Variants in MALRD1 observed in about 807,000 individuals in gnomAD.
MALRD1 encodes MAM and LDL-receptor class A domain-containing protein 1.
MALRD1 carries 247 observed loss-of-function variants against 242.1 expected under a neutral mutation model. The observed-to-expected ratio is 1.02, with a 90% CI of 0.92 to 1.13. MALRD1 has a LOEUF of 1.13. Ranked by LOEUF, MALRD1 falls within the 50% of genes most tolerant of loss-of-function variation. MALRD1 has a pLI of 0.00. For missense variants in MALRD1, 2,989 were observed against 2,533.1 expected (o/e 1.18, Z -3.86); for synonymous variants, 995 against 866.6 (o/e 1.15, Z -2.60).
At chr10:19,451,215 G>C (rs1022732745) in intron 29 of MALRD1, among the ~76,000 whole-genome samples, 14 of 152,004 alleles carry the variant, frequency 9.2e-5, no homozygotes, top group Admixed American at 8.5e-4. Context: ...AAATGAACCA[G>C]TAAAAACAGG....
intron 28 of MALRD1, among the ~76,000 whole-genome samples, chr10:19,430,869 T>C (rs1365692869): frequency 2.0e-5 from 3 of 152,194 alleles, no homozygotes; most frequent in African/African-American, 7.2e-5. Context: ...GTTTCTATTA[T>C]TTTAACATTT....
intron 38 of MALRD1, among the ~76,000 whole-genome samples, chr10:19,723,862 A>G (rs766563731): frequency 2.0e-5 from 3 of 151,634 alleles, no homozygotes; most frequent in Non-Finnish European, 4.4e-5. Flanking sequence ...AGTAGTAGAA[A>G]CTAGGTGTTT....
chr10:19,166,092 A>C (rs1397300312), intron 13 of MALRD1, among the ~76,000 whole-genome samples: 1 of 152,186 alleles, frequency 6.6e-6, no homozygotes, highest in Admixed American at 6.5e-5. Context: ...CACTTAAGAC[A>C]TGTGTAGAAT....
chr10:19,340,681 A>G (rs766521115), intron 24 of MALRD1, among the ~76,000 whole-genome samples: 2 of 152,106 alleles, frequency 1.3e-5, no homozygotes, highest in East Asian at 1.9e-4. Context: ...AAACTCTTAT[A>G]CTCAATCACT....
intron 29 of MALRD1, among the ~76,000 whole-genome samples, chr10:19,462,341 C>A (rs1835989301): frequency 6.6e-6 from 1 of 152,190 alleles, no homozygotes; most frequent in African/African-American, 2.4e-5. Flanking sequence ...CACCATGCCC[C>A]CGAGTTTACT....
intron 38 of MALRD1, among the ~76,000 whole-genome samples, chr10:19,694,495 G>C (rs1833272584): frequency 6.6e-6 from 1 of 152,214 alleles, no homozygotes; most frequent in Non-Finnish European, 1.5e-5. Flanking sequence ...CTGGCCATCA[G>C]AGAAATGTAA....
intron 32 of MALRD1, among the ~76,000 whole-genome samples, chr10:19,543,844 C>G (rs1299341734): frequency 6.6e-6 from 1 of 152,188 alleles, no homozygotes; most frequent in African/African-American, 2.4e-5. Flanking sequence ...TTCAGGGCAA[C>G]TGGAGTCTAT....
chr10:19,308,773 C>G (rs1253761874), intron 21 of MALRD1, among the ~76,000 whole-genome samples: 1 of 151,476 alleles, frequency 6.6e-6, no homozygotes, highest in Non-Finnish European at 1.5e-5. Flanking sequence ...ATCTCAGGCC[C>G]TCCGAGCTTT....
chr10:19,403,642 T>C (rs79495719), intron 28 of MALRD1, among the ~76,000 whole-genome samples: 3,768 of 152,160 alleles, frequency 0.025, 143 homozygotes, highest in African/African-American at 0.08. Context: ...GGCTTTCTTT[T>C]CATCAGCATT....
At chr10:19,298,165 A>G (rs1021174882) in intron 21 of MALRD1, among the ~76,000 whole-genome samples, 2 of 151,988 alleles carry the variant, frequency 1.3e-5, no homozygotes, top group African/African-American at 4.8e-5. Context: ...GAAAAGGCCA[A>G]AGGGGAAATG....
At chr10:19,670,645 T>A (rs1267525837) in intron 36 of MALRD1, among the ~76,000 whole-genome samples, 3 of 152,204 alleles carry the variant, frequency 2.0e-5, no homozygotes, top group African/African-American at 7.2e-5. Flanking sequence ...TGTTTCCAAC[T>A]TGGTCCTCAC....
At chr10:19,615,664 G>T (rs1839120978) in intron 35 of MALRD1, among the ~76,000 whole-genome samples, 193 bp from the exon 36 acceptor site, 1 of 151,874 alleles carries the variant, frequency 6.6e-6, no homozygotes, top group Non-Finnish European at 1.5e-5. Flanking sequence ...AACACATTCA[G>T]GGCAGCAGGG....
chr10:19,532,485 A>G (rs997166077), intron 32 of MALRD1, among the ~76,000 whole-genome samples: 5 of 151,944 alleles, frequency 3.3e-5, no homozygotes, highest in Non-Finnish European at 7.4e-5. Flanking sequence ...CAAATTCCTG[A>G]CCTCATGATC....
At chr10:19,477,069 A>G (rs540951888) in intron 29 of MALRD1, among the ~76,000 whole-genome samples, 2 of 152,288 alleles carry the variant, frequency 1.3e-5, no homozygotes, top group Non-Finnish European at 2.9e-5. Flanking sequence ...GGAAACATAC[A>G]TTCAGAGATG....
chr10:19,283,538 C>T (rs1840931087), intron 21 of MALRD1, among the ~76,000 whole-genome samples: 1 of 152,040 alleles, frequency 6.6e-6, no homozygotes, highest in African/African-American at 2.4e-5. Flanking sequence ...CCACCTCCTC[C>T]TCCCATTTCC....
chr10:19,567,576 A>G lies in MALRD1; in HGVS notation c.5553A>G (p.Thr1851=), dbSNP rs562865555. 2 of 1,550,556 alleles carry G rather than the reference A, an allele frequency of 1.3e-6. No homozygotes were observed. Among genetic ancestry groups the G allele is most frequent in the South Asian group, 1.2e-5 (1 of 84,054 alleles). ...TTGGAAATAAAAGAACGGGATGGAC[A>G]TATGGCTCTGTGCCTCTCTCCAGTA... ...SVIGNKRTGW[T]YGSVPLSSNS... Residue 1851 remains threonine, a synonymous_variant, in exon 33 of 40, where the codon ACA becomes ACG. Coordinates refer to ENST00000454679, the MANE Select transcript of MALRD1 (RefSeq NM_001142308.3).
At chr10:19,692,428 T>C in intron 37 of MALRD1, 30 bp from the exon 38 acceptor site, 1 of 1,532,264 alleles carries the variant, frequency 6.5e-7, no homozygotes. Flanking sequence ...TCACTGCATA[T>C]TTATCTTTTT....
At chr10:19,664,174 C>A (rs1841569082) in intron 36 of MALRD1, among the ~76,000 whole-genome samples, 1 of 151,330 alleles carries the variant, frequency 6.6e-6, no homozygotes, top group South Asian at 2.1e-4. Context: ...AAATGAAATG[C>A]CTTTACACCA....
intron 28 of MALRD1, among the ~76,000 whole-genome samples, chr10:19,408,544 A>G (rs1833134102): frequency 6.6e-6 from 1 of 152,208 alleles, no homozygotes; most frequent in African/African-American, 2.4e-5. Context: ...TCAAACAAAG[A>G]AAATCATACA....
Sources: allele counts gnomAD v4.1 joint callset (sites outside exome capture counted in the v4.1 genomes callset), GRCh38; gene constraint gnomAD v4.1.1; transcripts MANE v1.5; gene names NCBI Gene and HGNC (gene_info 2026-07-23, HGNC 2026-07-21).